Variants in ANKHD1 observed in about 807,000 individuals in gnomAD.
ANKHD1 encodes the protein ankyrin repeat and KH domain containing 1, also known as ankyrin repeat and KH domain-containing protein 1.
In ANKHD1, 31 loss-of-function variants were observed where a neutral mutation model predicts 230.5. The ratio of observed to expected loss-of-function variants is 0.13; its 90% CI spans 0.10 to 0.18. ANKHD1 has a LOEUF of 0.18. Ranked by LOEUF, ANKHD1 falls within the 10% of genes least tolerant of loss-of-function variation. The pLI is 1.00. For missense variants in ANKHD1, 2,256 were observed against 3,071.3 expected (o/e 0.73, Z 6.27); for synonymous variants, 1,074 against 1,117.6 (o/e 0.96, Z 0.78).
At chr5:140,497,405 C>G (rs753883293) in intron 15 of ANKHD1, 127 bp downstream of exon 15, 38 of 1,422,154 alleles carry the variant, frequency 2.7e-5, no homozygotes, top group Non-Finnish European at 3.0e-5. Flanking sequence ...ACCCATTTCT[C>G]GAAGTATTTT....
intron 1 of ANKHD1, among the ~76,000 whole-genome samples, chr5:140,427,380 C>A: frequency 1.7e-5 from 1 of 60,474 alleles, no homozygotes; most frequent in Non-Finnish European, 3.4e-5. Context: ...GGCTGACCCC[C>A]CCCCACCTCC....
intron 9 of ANKHD1, among the ~76,000 whole-genome samples, chr5:140,460,663 G>A (rs1020440065): frequency 3.9e-5 from 6 of 152,062 alleles, no homozygotes; most frequent in Non-Finnish European, 8.8e-5. Flanking sequence ...TGGGACTATA[G>A]GCGCATACCA....
In ANKHD1 at chr5:140,402,077, T is replaced by G; in HGVS notation, c.110T>G (p.Val37Gly). ...GASEPPPPGG[V>G]GLGIRTVRLF... ...TCGGAGCCGCCTCCGCCGGGAGGGG[T>G]CGGTCTGGGGATCCGCACCGTGAGG... The change falls in exon 1 of 34, where the codon GTC (valine) becomes GGC (glycine). Residue 37 changes from valine (V) to glycine (G), a missense_variant. Val to Gly is a moderately radical substitution (Grantham distance 109). Transcript: ENST00000360839. 6.7e-7 allele frequency: 1 copy of G among 1,488,524 alleles called. No individual in the cohort carries two copies. The highest frequency in any genetic ancestry group is 8.9e-7 in the Non-Finnish European group (1 of 1,123,442). The allele number at this position is 1,488,524 out of a possible 1,614,324, so 92.2% of individuals were successfully genotyped here.
rs373801893 is a variant in ANKHD1 at position 140,487,004 on chromosome 5, A to G, written c.2189A>G (p.Gln730Arg). 1 of 1,613,588 alleles carries G rather than the reference A, an allele frequency of 6.2e-7. No individual in the cohort carries two copies. Among genetic ancestry groups the G allele is most frequent in the African/African-American group, 1.3e-5 (1 of 74,906 alleles). Residue 730 changes from glutamine (Q) to arginine (R), a missense_variant, in exon 14 of 34, where the codon CAG (glutamine) becomes CGG (arginine). Physicochemically the swap from Gln to Arg is conservative, Grantham distance 43 (BLOSUM62 1). Coordinates refer to ENST00000360839, the MANE Select transcript of ANKHD1 (RefSeq NM_017747.3). Reference sequence around the variant, plus strand: ...ACACTTGCCATGGTTGTACCTCCCCAGGAACCTGACAGAACTTCACAGGAG... The same window carrying G: ...ACACTTGCCATGGTTGTACCTCCCCGGGAACCTGACAGAACTTCACAGGAG... ...THTLAMVVPP[Q>R]EPDRTSQENS...
At chr5:140,486,488 A>C (rs1751508969) in intron 13 of ANKHD1, 1 of 152,588 alleles carries the variant, frequency 6.6e-6, no homozygotes, top group Non-Finnish European at 1.5e-5. Context: ...TTTTAAACCC[A>C]CCTTAAATTA....
At chr5:140,491,141 T>C (rs185834792) in intron 14 of ANKHD1, among the ~76,000 whole-genome samples, 836 of 54,622 alleles carry the variant, frequency 0.015, 18 homozygotes, top group Middle Eastern at 0.095. Context: ...TATATACACA[T>C]ATATATATAT....
rs1752847229 is a variant in ANKHD1 at position 140,513,414 on chromosome 5, G to T, written c.4252G>T (p.Asp1418Tyr). The T allele has an allele frequency of 6.2e-7, 1 of 1,613,616 alleles. No homozygotes were observed. The highest frequency in any genetic ancestry group is 8.5e-7 in the Non-Finnish European group (1 of 1,179,844). Reference sequence around the variant, plus strand: ...TGTCGAAACCATTGTGAAGGCTAAAGACCAGCAAGCTGCAGAAGCAAATAA... The same window carrying T: ...TGTCGAAACCATTGTGAAGGCTAAATACCAGCAAGCTGCAGAAGCAAATAA... ...QCVETIVKAKDQQAAEANKNA... is the reference protein window; with the variant it reads ...QCVETIVKAKYQQAAEANKNA... Residue 1418 changes from aspartate to tyrosine, a missense_variant, in exon 24 of 34, where the codon GAC (aspartate) becomes TAC (tyrosine). Transcript: ENST00000360839.
chr5:140,469,634 A>G (rs2126992246), intron 10 of ANKHD1, among the ~76,000 whole-genome samples: 1 of 152,284 alleles, frequency 6.6e-6, no homozygotes, highest in South Asian at 2.1e-4. Context: ...TGAAGACACC[A>G]TTTACAAATA....
chr5:140,538,584 A>G (rs1754176983), intron 32 of ANKHD1, among the ~76,000 whole-genome samples: 1 of 152,230 alleles, frequency 6.6e-6, no homozygotes, highest in African/African-American at 2.4e-5. Context: ...TATGTCGGCA[A>G]TCAATTATGT....
At chr5:140,427,327 C>A (rs1436640262) in intron 1 of ANKHD1, among the ~76,000 whole-genome samples, 1 of 139,232 alleles carries the variant, frequency 7.2e-6, no homozygotes, top group Non-Finnish European at 1.6e-5. Flanking sequence ...GGGGGGCCGA[C>A]CCCCCCACCT....
intron 1 of ANKHD1, among the ~76,000 whole-genome samples, chr5:140,416,031 T>C (rs571762538): frequency 6.6e-6 from 1 of 152,272 alleles, no homozygotes; most frequent in South Asian, 2.1e-4. Context: ...AGTGAGAACG[T>C]GCAGTGTCTG....
chr5:140,501,971 G>A (rs973592485), intron 15 of ANKHD1, among the ~76,000 whole-genome samples: 2 of 151,726 alleles, frequency 1.3e-5, no homozygotes, highest in Non-Finnish European at 2.9e-5. Flanking sequence ...GGAGGCTAAG[G>A]TGGGAGGATT....
At chr5:140,418,147 T>C (rs1169225809) in intron 1 of ANKHD1, among the ~76,000 whole-genome samples, 8 of 147,404 alleles carry the variant, frequency 5.4e-5, no homozygotes, top group South Asian at 2.1e-4. Flanking sequence ...CAGCCTTCTT[T>C]TTTTTTTTTT....
intron 10 of ANKHD1, chr5:140,472,161 G>T (rs886858390): frequency 5.1e-6 from 6 of 1,186,308 alleles, no homozygotes; most frequent in Non-Finnish European, 7.4e-6. Context: ...CTGAAGTATC[G>T]GTCACAAGGT....
Position 140,506,705 on chromosome 5 carries a change from C to A in ANKHD1, c.3409-130C>A. On this transcript the variant is annotated intron_variant, in intron 18 of 33. Transcript: ENST00000360839. This position sits in a 1 kb window ranked among gnomAD's most constrained non-coding sequence, Gnocchi z 4.7. Reference sequence around the variant, plus strand: ...GTGTTGATATTTCAATATTTAGGGTCTAATGAAATGTAATTAAAATATCAG... The same window carrying A: ...GTGTTGATATTTCAATATTTAGGGTATAATGAAATGTAATTAAAATATCAG... 1 of 1,348,660 alleles carries A rather than the reference C, an allele frequency of 7.4e-7. No homozygotes were observed. Among genetic ancestry groups the A allele is most frequent in the Non-Finnish European group, 1.0e-6 (1 of 995,254 alleles). 83.5% of individuals were successfully genotyped at this position (1,348,660 alleles called of 1,614,324 possible). A position where few individuals can be genotyped will look rare whatever the true frequency, so the allele number is the denominator to read the frequency against.
At chr5:140,408,196 A>G (rs1283965465) in intron 1 of ANKHD1, among the ~76,000 whole-genome samples, 1 of 152,122 alleles carries the variant, frequency 6.6e-6, no homozygotes, top group Non-Finnish European at 1.5e-5. Context: ...GAAAATAATA[A>G]AATTATTACA....
At chr5:140,412,121 C>T (rs1055010574) in intron 1 of ANKHD1, among the ~76,000 whole-genome samples, 12 of 152,146 alleles carry the variant, frequency 7.9e-5, no homozygotes, top group African/African-American at 2.7e-4. Context: ...ACTGCAACCT[C>T]CGCCTCCTGG....
At chr5:140,513,583 T>C (rs1581359210) in intron 24 of ANKHD1, 104 bp downstream of exon 24, 4 of 1,116,054 alleles carry the variant, frequency 3.6e-6, no homozygotes, top group African/African-American at 1.6e-5. Context: ...CCAAGGCGGG[T>C]GGATTACCTG....
At chr5:140,483,644 ACAGG>A (rs1446781858) in intron 11 of ANKHD1, among the ~76,000 whole-genome samples, 2 of 151,968 alleles carry the variant, frequency 1.3e-5, no homozygotes, top group Admixed American at 6.6e-5. Flanking sequence ...TTTAGTAGAG[ACAGG>A]GTTTTACCAT....
Sources: allele counts gnomAD v4.1 joint callset (sites outside exome capture counted in the v4.1 genomes callset), GRCh38; gene constraint gnomAD v4.1.1; non-coding constraint Gnocchi (gnomAD v3.1); transcripts MANE v1.5; gene names NCBI Gene and HGNC (gene_info 2026-07-23, HGNC 2026-07-21).